Variants in MACROD1 observed in about 807,000 individuals in gnomAD.
MACROD1 encodes the protein mono-ADP ribosylhydrolase 1, also known as ADP-ribose glycohydrolase MACROD1.
MACROD1 carries 31 observed loss-of-function variants against 41.4 expected under a neutral mutation model. The ratio of observed to expected loss-of-function variants is 0.75; its 90% CI spans 0.56 to 1.01. The LOEUF is 1.01. Ranked by LOEUF, MACROD1 falls within the 50% of genes least tolerant of loss-of-function variation. MACROD1 has a pLI of 0.00. For missense variants in MACROD1, 473 were observed against 460.0 expected, an observed-to-expected ratio of 1.03 and a Z score of -0.26; for synonymous variants, 252 against 203.4, an observed-to-expected ratio of 1.24 and a Z score of -2.03.
intron 8 of MACROD1, 90 bp downstream of exon 8, chr11:63,999,241 C>A (rs1329855104): frequency 3.4e-6 from 5 of 1,479,298 alleles, no homozygotes; most frequent in South Asian, 1.2e-5. Context: ...CCTGGCCCTG[C>A]GCTCTGCACC....
At chr11:64,017,742 C>A (rs1297897774) in intron 3 of MACROD1, among the ~76,000 whole-genome samples, 1 of 152,100 alleles carries the variant, frequency 6.6e-6, no homozygotes, top group African/African-American at 2.4e-5. Context: ...CCTGGGCAGT[C>A]CTGGCAGCGG....
intron 3 of MACROD1, among the ~76,000 whole-genome samples, chr11:64,131,650 C>A (rs767767236): frequency 6.6e-6 from 1 of 152,116 alleles, no homozygotes. Context: ...CTGAAGGCAG[C>A]AGGAATGTAA....
In MACROD1 at chr11:64,146,661, C is replaced by A. The variant is rs1945500080; in HGVS notation, c.517+4578G>T. Among the ~76,000 whole-genome samples the A allele has an allele frequency of 6.6e-6, 1 of 152,138 alleles. No individual in the cohort carries two copies. The highest frequency in any genetic ancestry group is 2.1e-4 in the South Asian group (1 of 4,830). On this transcript the variant is annotated intron_variant, in intron 3 of 10. Coordinates refer to ENST00000255681, the MANE Select transcript of MACROD1 (RefSeq NM_014067.4). The surrounding 1 kb of genome is among the most constrained non-coding windows in gnomAD (Gnocchi z 4.7). ...TATGCTTCTGCCCAACCTCCCACCT[C>A]ACTCCCACCACATCCCATACAAACA...
chr11:64,116,396 C>G (rs1944982032), intron 3 of MACROD1: 1 of 1,613,898 alleles, frequency 6.2e-7, no homozygotes, highest in African/African-American at 1.3e-5. Flanking sequence ...GGCTCATCGC[C>G]TTCCTGACGG....
At chr11:64,117,199 G>T (rs140497307) in intron 3 of MACROD1, 1 of 1,614,002 alleles carries the variant, frequency 6.2e-7, no homozygotes, top group Non-Finnish European at 8.5e-7. Context: ...ACGCTGCCCC[G>T]CGGCCTGTTC....
At chr11:64,029,239 G>T (rs146018677) in intron 3 of MACROD1, among the ~76,000 whole-genome samples, 12 of 152,322 alleles carry the variant, frequency 7.9e-5, no homozygotes, top group Non-Finnish European at 1.3e-4. Context: ...TTTGCGCTGT[G>T]GGGGAGGCTG....
rs954935942 is a variant in MACROD1, at chr11:64,131,461, C to T, written c.517+19778G>A. On this transcript the variant is annotated intron_variant, in intron 3 of 10. Coordinates refer to ENST00000255681, the MANE Select transcript of MACROD1 (RefSeq NM_014067.4). ...CCTGCCTCAGCCTCCCAAGTAGCTG[C>T]GTGTACAGGCGTGTGCTACCACGCC... Among the ~76,000 whole-genome samples, 6 of 152,246 alleles carry T rather than the reference C, an allele frequency of 3.9e-5. 1 individual carries two copies. The highest frequency in any genetic ancestry group is 4.1e-4 in the South Asian group (2 of 4,822).
At chr11:64,118,127 GA>G in intron 3 of MACROD1, 1 of 1,613,364 alleles carries the variant, frequency 6.2e-7, no homozygotes, top group Non-Finnish European at 8.5e-7. Flanking sequence ...CTGGGCTGCA[GA>G]TGCTGCCCAT....
chr11:64,101,371 A>T (rs1944667801), intron 3 of MACROD1, among the ~76,000 whole-genome samples: 1 of 152,178 alleles, frequency 6.6e-6, no homozygotes, highest in Non-Finnish European at 1.5e-5. Flanking sequence ...TGAACACACC[A>T]GTGGGATGAA....
At chr11:64,024,510 C>T (rs1311999219) in intron 3 of MACROD1, among the ~76,000 whole-genome samples, 1 of 152,198 alleles carries the variant, frequency 6.6e-6, no homozygotes, top group Non-Finnish European at 1.5e-5. Flanking sequence ...TGAGCTGCTG[C>T]ACTGCAGGAC....
At chr11:64,107,474 C>T (rs887921449) in intron 3 of MACROD1, among the ~76,000 whole-genome samples, 5 of 152,206 alleles carry the variant, frequency 3.3e-5, no homozygotes, top group Admixed American at 6.5e-5. Flanking sequence ...GACATCCCGC[C>T]GCCTGGCACC....
chr11:64,070,223 C>G (rs1166609182), intron 3 of MACROD1, among the ~76,000 whole-genome samples: 1 of 152,096 alleles, frequency 6.6e-6, no homozygotes, highest in East Asian at 1.9e-4. Context: ...CCTGCTGCAC[C>G]AAGTGGGGTG....
chr11:64,138,642 C>G, intron 3 of MACROD1: 1 of 735,944 alleles, frequency 1.4e-6, no homozygotes, highest in Non-Finnish European at 1.7e-6. Context: ...CGATGCCGCT[C>G]GGCTCTGGTT....
At chr11:64,066,675 C>T (rs940351524) in intron 3 of MACROD1, among the ~76,000 whole-genome samples, 6 of 151,966 alleles carry the variant, frequency 3.9e-5, no homozygotes, top group South Asian at 2.1e-4. Flanking sequence ...TAAATAATCA[C>T]GCTCCTTCTG....
At chr11:64,080,742 C>T (rs559934103) in intron 3 of MACROD1, among the ~76,000 whole-genome samples, 3 of 152,286 alleles carry the variant, frequency 2.0e-5, no homozygotes, top group Admixed American at 6.5e-5. Context: ...GACAGGCCCC[C>T]GGCTGGATCC....
At chr11:64,144,526 T>C (rs1030947909) in intron 3 of MACROD1, among the ~76,000 whole-genome samples, 2 of 152,218 alleles carry the variant, frequency 1.3e-5, no homozygotes, top group Non-Finnish European at 2.9e-5. Context: ...TGCCTGCCTC[T>C]CGGGCCTCTG....
rs971027124 is a variant in MACROD1 at position 64,123,534 on chromosome 11, G to C, written c.517+27705C>G. Among the ~76,000 whole-genome samples the C allele has an allele frequency of 4.3e-5, 6 of 140,964 alleles. No individual in the cohort carries two copies. The South Asian group carries it at 1.3e-3, about 30-fold the overall frequency. The allele number at this position is 140,964 out of a possible 152,430, so 92.5% of individuals were successfully genotyped here. On this transcript the variant is annotated intron_variant, in intron 3 of 10. Coordinates refer to ENST00000255681, the MANE Select transcript of MACROD1 (RefSeq NM_014067.4). ...AGGGACTTTCTGGGCCTCGATGGGTGGGGTGGGGGGGTTGGGGGTGCAAGA... is the reference window on the plus strand; with the variant it reads ...AGGGACTTTCTGGGCCTCGATGGGTCGGGTGGGGGGGTTGGGGGTGCAAGA...
intron 4 of MACROD1, among the ~76,000 whole-genome samples, chr11:64,006,572 G>A (rs1942917626): frequency 1.3e-5 from 2 of 152,374 alleles, no homozygotes; most frequent in Middle Eastern, 3.4e-3. Context: ...CAACGGCAGT[G>A]CCTCATTCAT....
Position 63,998,619 on chromosome 11 carries a change from GCCAGGC to G in MACROD1, c.*93_*98del. 7.8e-7 allele frequency: 1 copy of G among 1,286,142 alleles called. No individual in the cohort carries two copies. Among genetic ancestry groups the G allele is most frequent in the Non-Finnish European group, 9.8e-7 (1 of 1,019,126 alleles). The allele number at this position is 1,286,142 out of a possible 1,614,324, so 79.7% of individuals were successfully genotyped here. Reference sequence around the variant, plus strand: ...GGGGCGCGGAGGGAAAGAAGGGGTGGCCAGGCCCAGGCCAGGCTGCAGGCTTTGGCG... The same window carrying G: ...GGGGCGCGGAGGGAAAGAAGGGGTGGCCAGGCCAGGCTGCAGGCTTTGGCG... On this transcript the variant is annotated 3_prime_UTR_variant, in exon 11 of 11. Coordinates refer to ENST00000255681, the MANE Select transcript of MACROD1 (RefSeq NM_014067.4).
Sources: allele counts gnomAD v4.1 joint callset (sites outside exome capture counted in the v4.1 genomes callset), GRCh38; gene constraint gnomAD v4.1.1; non-coding constraint Gnocchi (gnomAD v3.1); transcripts MANE v1.5; gene names NCBI Gene and HGNC (gene_info 2026-07-23, HGNC 2026-07-21).